Variants in PLA2G4F observed in about 807,000 individuals in gnomAD.
The protein encoded by PLA2G4F is phospholipase A2 group IVF.
In PLA2G4F, 105 loss-of-function variants were observed where a neutral mutation model predicts 103.1. That is an observed-to-expected ratio of 1.02 (90% CI 0.87 to 1.20). The LOEUF (loss-of-function observed/expected upper bound fraction) is 1.20. PLA2G4F is among the 50% of genes most tolerant of loss of function. The pLI, the probability that PLA2G4F is intolerant of heterozygous loss-of-function variation, is 0.00. For synonymous variants in PLA2G4F, 468 were observed against 441.1 expected, an observed-to-expected ratio of 1.06 and a Z score of -0.76; for missense variants, 1,155 against 1,075.9, an observed-to-expected ratio of 1.07 and a Z score of -1.03.
rs1365894371 is a variant in PLA2G4F at position 42,145,818 on chromosome 15, G to A, written c.1620C>T (p.Phe540=). 1 of 1,614,022 alleles carries A rather than the reference G, an allele frequency of 6.2e-7. No homozygotes were observed. Among genetic ancestry groups the A allele is most frequent in the East Asian group, 2.2e-5 (1 of 44,886 alleles). ...VPTELFGSEL[F]MGRLLQLQPE... is the part of the protein sequence containing the mutation. The stretch of plus-strand genomic sequence containing the variant: ...GCTGGAGCTGCAGCAATCGTCCCAT[G>A]AAGAGTTCTGAGCCGAAGAGCTCGG... Residue 540 remains phenylalanine, a synonymous_variant, in exon 15 of 20, where the codon TTC becomes TTT. Coordinates refer to ENST00000397272, the MANE Select transcript of PLA2G4F (RefSeq NM_213600.4).
rs571874061 is a variant in PLA2G4F at position 42,149,770 on chromosome 15, G to A, written c.1002C>T (p.Val334=). The A allele has an allele frequency of 5.6e-6, 9 of 1,614,198 alleles. No homozygotes were observed. The Admixed American group carries it at 1.2e-4, about 21-fold the overall frequency. Residue 334 remains valine, a synonymous_variant, in exon 11 of 20, where the codon GTC becomes GTT. Coordinates refer to ENST00000397272, the MANE Select transcript of PLA2G4F (RefSeq NM_213600.4). ...GCACTTGCTGCAGGGCCTTGGACAC[G>A]ACCTGCTTCCTCCTGTCCAGAAACT... ...EQEFLDRRKQ[V]VSKALQQVLG... is the part of the protein sequence containing the mutation.
rs746557577 is a variant in PLA2G4F at position 42,142,715 on chromosome 15, C to G, written c.2143-1G>C. On this transcript the variant is annotated splice_acceptor_variant, in intron 18 of 19. Transcript: ENST00000397272. LOFTEE classifies it high-confidence loss of function. ...AGTACTTCTCTGTCATCTTCAAGAC[C>G]TGAGCAGGAGCAAGCCTCTGACTCT... is the stretch of plus-strand genomic sequence containing the variant. 1.2e-6 allele frequency: 2 copies of G among 1,613,916 alleles called. No individual in the cohort carries two copies. Among genetic ancestry groups the G allele is most frequent in the Admixed American group, 1.7e-5 (1 of 60,020 alleles).
Position 42,154,273 on chromosome 15 carries a change from C to G in PLA2G4F, c.321+49G>C, listed in dbSNP as rs201200632. 2.5e-4 allele frequency: 397 copies of G among 1,611,386 alleles called. No individual in the cohort carries two copies. The Middle Eastern group carries it at 2.6e-3, about 11-fold the overall frequency. On this transcript the variant is annotated intron_variant, in intron 3 of 19. Coordinates refer to ENST00000397272, the MANE Select transcript of PLA2G4F (RefSeq NM_213600.4). ...AGCATGAGGTAGGACAGGAGGGTAG[C>G]TGCCTGAGGAGTTCCCCTCCCGCAG... is the stretch of plus-strand genomic sequence containing the variant.
At chr15:42,148,900 A>G (rs2048922663) in intron 11 of PLA2G4F, 1 of 985,428 alleles carries the variant, frequency 1.0e-6, no homozygotes, top group Non-Finnish European at 1.2e-6. Context: ...GAGACAGAGC[A>G]GACACCTAGC....
At position 42,141,275 on chromosome 15, in the gene PLA2G4F, T is replaced by TTGA. The variant is rs1318271031; in HGVS notation, c.*708_*709insTCA. The TTGA allele has an allele frequency of 2.2e-6, 1 of 456,696 alleles. No homozygotes were observed. The highest frequency in any genetic ancestry group is 2.3e-5 in the Admixed American group (1 of 42,578). 28.3% of individuals were successfully genotyped at this position (456,696 alleles called of 1,614,324 possible). On this transcript the variant is annotated 3_prime_UTR_variant, in exon 20 of 20. Coordinates refer to ENST00000397272, the MANE Select transcript of PLA2G4F (RefSeq NM_213600.4). ...CATCACCAGAGACTGTGGTCCAGGTTCGAAGAGTGAAGCCTGGGTAACTGG... is the reference window on the plus strand; with the variant it reads ...CATCACCAGAGACTGTGGTCCAGGTTTGACGAAGAGTGAAGCCTGGGTAACTGG...
Position 42,145,747 on chromosome 15 carries a change from C to G in PLA2G4F, c.1672+19G>C, listed in dbSNP as rs762363257. 1 of 1,613,924 alleles carries G rather than the reference C, an allele frequency of 6.2e-7. No homozygotes were observed. The highest frequency in any genetic ancestry group is 1.1e-5 in the South Asian group (1 of 91,078). On this transcript the variant is annotated intron_variant, in intron 15 of 19. Coordinates refer to ENST00000397272, the MANE Select transcript of PLA2G4F (RefSeq NM_213600.4). ...GGCCCCGGCACCTGCCTGTCCCCAGCCCTCCAGCCTCGACTCACCTTGCAG... is the reference window on the plus strand; with the variant it reads ...GGCCCCGGCACCTGCCTGTCCCCAGGCCTCCAGCCTCGACTCACCTTGCAG...
chr15:42,148,447 A>C, intron 11 of PLA2G4F: 1 of 236,536 alleles, frequency 4.2e-6, no homozygotes, highest in Non-Finnish European at 6.9e-6. Context: ...CGCTGTGGGG[A>C]CTGTCCTGTG....
chr15:42,147,178 G>C lies in PLA2G4F; in HGVS notation c.1365C>G (p.Ser455Arg), dbSNP rs4923929. Reference sequence around the variant, plus strand: ...GGCCCCAGAGGTCGATGAGGGACACGCTGTGGCCACTGCGCTCCCGGACCC... The same window carrying C: ...GGCCCCAGAGGTCGATGAGGGACACCCTGTGGCCACTGCGCTCCCGGACCC... ...ELGVRERSGH[S>R]VSLIDLWGLL... Residue 455 changes from serine (S) to arginine (R), a missense_variant, in exon 13 of 20, where the codon AGC (serine) becomes AGG (arginine). Ser to Arg is a moderately radical substitution (Grantham distance 110). Around this residue, in one of 3 missense-constraint regions of PLA2G4F, gnomAD observed 782 missense variants for 692.9 expected, o/e 1.13. Coordinates refer to ENST00000397272, the MANE Select transcript of PLA2G4F (RefSeq NM_213600.4). The C allele has an allele frequency of 6.2e-7, 1 of 1,612,398 alleles. No individual in the cohort carries two copies. The highest frequency in any genetic ancestry group is 8.5e-7 in the Non-Finnish European group (1 of 1,179,836).
At chr15:42,156,364 C>G in intron 1 of PLA2G4F, 75 bp downstream of exon 1, 2 of 1,259,386 alleles carry the variant, frequency 1.6e-6, no homozygotes, top group South Asian at 1.4e-5. Flanking sequence ...TGGGGCTGGT[C>G]TCAGTCTTCA....
chr15:42,144,257 C>CA, intron 17 of PLA2G4F, 113 bp from the exon 18 acceptor site: 1 of 1,419,354 alleles, frequency 7.0e-7, no homozygotes, highest in Middle Eastern at 2.6e-4. Context: ...CTCTGACAGC[C>CA]ATGGAGACTC....
In PLA2G4F at chr15:42,142,193, G is replaced by T. The variant is rs2048832552; in HGVS notation, c.2341C>A (p.Gln781Lys). Residue 781 changes from glutamine (Q) to lysine (K), a missense_variant, in exon 20 of 20, where the codon CAA becomes AAA. By Grantham distance (53) the Gln-to-Lys change is moderately conservative. Around this residue, in one of 3 missense-constraint regions of PLA2G4F, gnomAD observed 782 missense variants for 692.9 expected, o/e 1.13. Coordinates refer to ENST00000397272, the MANE Select transcript of PLA2G4F (RefSeq NM_213600.4). Reference sequence around the variant, plus strand: ...CCAAAGGCCTTCTCCTCAGCTGTTTGTCGCTCCACACCTGTGGGTGGGGGA... The same window carrying T: ...CCAAAGGCCTTCTCCTCAGCTGTTTTTCGCTCCACACCTGTGGGTGGGGGA... The part of the protein sequence containing the change: ...RTHLAPGVER[Q>K]TAEEKAFGDF... 6.2e-7 allele frequency: 1 copy of T among 1,612,034 alleles called. No homozygotes were observed. Among genetic ancestry groups the T allele is most frequent in the Admixed American group, 1.7e-5 (1 of 59,902 alleles).
In PLA2G4F at chr15:42,145,856, C is replaced by T. The variant is rs1262538761; in HGVS notation, c.1582G>A (p.Ala528Thr). ...PYEVGFPKYG[A>T]YVPTELFGSE... Reference sequence around the variant, plus strand: ...CCGAAGAGCTCGGTGGGAACATAAGCCCCGTACTTGGGGAAGCCAACCTCA... The same window carrying T: ...CCGAAGAGCTCGGTGGGAACATAAGTCCCGTACTTGGGGAAGCCAACCTCA... Residue 528 changes from alanine (A) to threonine (T), a missense_variant, in exon 15 of 20, where the codon GCT becomes ACT. Ala to Thr is a moderately conservative substitution (Grantham distance 58, BLOSUM62 0). Around this residue, in one of 3 missense-constraint regions of PLA2G4F, gnomAD observed 782 missense variants for 692.9 expected, o/e 1.13. Transcript: ENST00000397272. 1.9e-6 allele frequency: 3 copies of T among 1,613,978 alleles called. No homozygotes were observed. The highest frequency in any genetic ancestry group is 2.5e-6 in the Non-Finnish European group (3 of 1,180,026).
rs867841353 is a variant in PLA2G4F, at chr15:42,150,141, C to T, written c.886G>A (p.Gly296Ser). The T allele has an allele frequency of 6.2e-7, 1 of 1,614,148 alleles. No homozygotes were observed. Among genetic ancestry groups the T allele is most frequent in the Non-Finnish European group, 8.5e-7 (1 of 1,180,014 alleles). The part of the protein sequence containing the change: ...EEQCSVALGE[G>S]QEVALSMKVE... ...TTCATGCTCAGAGCCACCTCCTGGC[C>T]CTGAAAGACACAGCAGCCCCAACCC... The change falls in exon 10 of 20, where the codon GGC becomes AGC. Residue 296 changes from glycine (G) to serine (S), a missense_variant and splice_region_variant. By Grantham distance (56) the Gly-to-Ser change is moderately conservative. This residue lies in a region of PLA2G4F where 370 missense variants were observed against 364.9 expected (regional missense o/e 1.01). Coordinates refer to ENST00000397272, the MANE Select transcript of PLA2G4F (RefSeq NM_213600.4).
In PLA2G4F at chr15:42,152,756, T is replaced by C. The variant is rs2048973590; in HGVS notation, c.535-2A>G. Reference sequence around the variant, plus strand: ...CTGGATTCTCAGACAGGGGTGAGCCTGAGGAAAGCAGAGGCCTGTAGGAGC... The same window carrying C: ...CTGGATTCTCAGACAGGGGTGAGCCCGAGGAAAGCAGAGGCCTGTAGGAGC... On this transcript the variant is annotated splice_acceptor_variant, in intron 6 of 19. Transcript: ENST00000397272. LOFTEE classifies it high-confidence loss of function. 6.4e-7 allele frequency: 1 copy of C among 1,554,258 alleles called. No homozygotes were observed. Among genetic ancestry groups the C allele is most frequent in the Non-Finnish European group, 8.7e-7 (1 of 1,148,384 alleles).
rs368102868 is a variant in PLA2G4F at position 42,145,007 on chromosome 15, C to T, written c.1781-363G>A. On this transcript the variant is annotated intron_variant, in intron 16 of 19. Coordinates refer to ENST00000397272, the MANE Select transcript of PLA2G4F (RefSeq NM_213600.4). ...TAGGCATGAGGGCTGTGAAGGTGAA[C>T]GGGACCTGCCCTGGCCCTCCCAGGT... 7.9e-5 allele frequency among the ~76,000 whole-genome samples: 12 copies of T among 152,326 alleles called. No individual in the cohort carries two copies. The East Asian group carries it at 1.3e-3, about 17-fold the overall frequency.
rs982236766 is a variant in PLA2G4F, at chr15:42,152,683, C to T, written c.601+5G>A. On this transcript the variant is annotated splice_donor_5th_base_variant and intron_variant, in intron 7 of 19. Coordinates refer to ENST00000397272, the MANE Select transcript of PLA2G4F (RefSeq NM_213600.4). The stretch of plus-strand genomic sequence containing the variant: ...AAAAGACCCAAGGCCGCTGAGCAGA[C>T]TCACCGTACTCTTCCCGTGGGGCTG... The T allele has an allele frequency of 6.4e-7, 1 of 1,554,884 alleles. No homozygotes were observed. The highest frequency in any genetic ancestry group is 1.2e-5 in the South Asian group (1 of 84,236).
In PLA2G4F at chr15:42,139,240, A is replaced by G. The variant is rs954959046; in HGVS notation, c.*2744T>C. ...GGTCAGTTCCTGGTCAACAGAAGTA[A>G]ACAAGCCTGTTTAAGATAAATTCCC... is the stretch of plus-strand genomic sequence containing the variant. On this transcript the variant is annotated 3_prime_UTR_variant, in exon 20 of 20. Coordinates refer to ENST00000397272, the MANE Select transcript of PLA2G4F (RefSeq NM_213600.4). The G allele has an allele frequency of 6.5e-6, 1 of 154,188 alleles. No homozygotes were observed. The highest frequency in any genetic ancestry group is 2.4e-5 in the African/African-American group (1 of 41,520). 9.6% of individuals were successfully genotyped at this position (154,188 alleles called of 1,614,324 possible).
At chr15:42,142,813 T>C in intron 18 of PLA2G4F, 99 bp from the exon 19 acceptor site, 1 of 1,253,562 alleles carries the variant, frequency 8.0e-7, no homozygotes, top group African/African-American at 1.5e-5. Context: ...CAGCTCTGTT[T>C]CTGACTAGCT....
Position 42,146,164 on chromosome 15 carries a change from G to A in PLA2G4F, c.1497C>T (p.Val499=), listed in dbSNP as rs1254052114. 2.5e-6 allele frequency: 4 copies of A among 1,614,120 alleles called. No individual in the cohort carries two copies. The Admixed American group carries it at 6.7e-5, about 27-fold the overall frequency. ...CCCCACTCAAGTTGGTGCGGACGTT[G>A]ACACTGGTGTAAATGGGGTAAGGGT... ...GQNPYPIYTS[V]NVRTNLSGED... The change falls in exon 14 of 20, where the codon GTC becomes GTT. Residue 499 remains valine (V), a synonymous_variant. Transcript: ENST00000397272.
Sources: allele counts gnomAD v4.1 joint callset (sites outside exome capture counted in the v4.1 genomes callset), GRCh38; gene constraint gnomAD v4.1.1; regional missense constraint gnomAD v4.1.1; transcripts MANE v1.5; gene names NCBI Gene and HGNC (gene_info 2026-07-23, HGNC 2026-07-21).